The following AGAP1 variants were observed in gnomAD, a reference collection of about 807,000 sequenced individuals.
AGAP1 encodes the protein arf-GAP with GTPase, ANK repeat and PH domain-containing protein 1.
A neutral mutation model predicts 105.3 loss-of-function variants in AGAP1; 29 were observed. The observed-to-expected ratio is 0.28, with a 90% CI of 0.21 to 0.38. The LOEUF is 0.38. Among genes scored for constraint, AGAP1 ranks in the 10% least tolerant of loss-of-function variants. The probability of loss-of-function intolerance (pLI) is 1.00; values close to 1 mark genes in which losing one functional copy is unlikely to be tolerated. For synonymous variants in AGAP1, 509 were observed against 485.9 expected (o/e 1.05, Z -0.63); for missense variants, 998 against 1,165.1 (o/e 0.86, Z 2.09).
rs1328192367 is a variant in AGAP1, at chr2:235,728,329, G to A, written c.310+10685G>A. ...TGTGTGTGTGTGTGTGTGTGTGTGC[G>A]TGCTCTTAAATCAATGTAAATTAGG... On this transcript the variant is annotated intron_variant, in intron 3 of 17. Coordinates refer to ENST00000304032, the MANE Select transcript of AGAP1 (RefSeq NM_001037131.3). This position sits in a 1 kb window ranked among gnomAD's most constrained non-coding sequence, Gnocchi z 4.3. Among the ~76,000 whole-genome samples, 6 of 152,060 alleles carry A rather than the reference G, an allele frequency of 3.9e-5. No homozygotes were observed. The highest frequency in any genetic ancestry group is 1.9e-4 in the East Asian group (1 of 5,196).
At chr2:235,525,924 G>A (rs1942817828) in intron 1 of AGAP1, among the ~76,000 whole-genome samples, 1 of 113,048 alleles carries the variant, frequency 8.8e-6, no homozygotes, top group Admixed American at 8.4e-5. Flanking sequence ...GATTTATAAA[G>A]TAGAGGACTG....
At position 236,058,477 on chromosome 2, in the gene AGAP1, CAT is replaced by C. The variant is rs1280609424; in HGVS notation, c.2114+9198_2114+9199del. 6.6e-6 allele frequency among the ~76,000 whole-genome samples: 1 copy of C among 152,188 alleles called. No individual in the cohort carries two copies. The highest frequency in any genetic ancestry group is 1.5e-5 in the Non-Finnish European group (1 of 68,036). ...TTAATACAGTAAAGAGAGAAGAAAA[CAT>C]AATCTTTTCAAGGGATACAGAAAAT... On this transcript the variant is annotated intron_variant, in intron 16 of 17. Coordinates refer to ENST00000304032, the MANE Select transcript of AGAP1 (RefSeq NM_001037131.3). The surrounding 1 kb of genome is among the most constrained non-coding windows in gnomAD (Gnocchi z 4.6).
intron 1 of AGAP1, among the ~76,000 whole-genome samples, chr2:235,648,720 A>C (rs56018113): frequency 2.7e-5 from 4 of 145,542 alleles, no homozygotes; most frequent in South Asian, 2.2e-4. Context: ...AAAAAAAAAA[A>C]AAAAAAAAAA....
intron 11 of AGAP1, among the ~76,000 whole-genome samples, chr2:235,918,294 A>G (rs2052001686): frequency 6.6e-6 from 1 of 152,248 alleles, no homozygotes; most frequent in Non-Finnish European, 1.5e-5. Context: ...TATTTTTCTG[A>G]AATAAAACCT....
chr2:235,873,022 C>T (rs553738718), intron 9 of AGAP1, among the ~76,000 whole-genome samples: 1 of 152,330 alleles, frequency 6.6e-6, no homozygotes, highest in East Asian at 1.9e-4. Context: ...GCAGAGGACC[C>T]TGGCTCTTTC....
At chr2:236,071,301 C>T (rs2058489068) in intron 16 of AGAP1, among the ~76,000 whole-genome samples, 1 of 152,152 alleles carries the variant, frequency 6.6e-6, no homozygotes, top group Non-Finnish European at 1.5e-5. Context: ...CTGGGACAGT[C>T]ATGGACCAAG....
At chr2:236,077,487 T>TCCCGCCTCAGCC (rs2058671365) in intron 16 of AGAP1, among the ~76,000 whole-genome samples, 2 of 151,946 alleles carry the variant, frequency 1.3e-5, no homozygotes, top group Non-Finnish European at 2.9e-5. Flanking sequence ...GCCAGCTAAT[T>TCCCGCCTCAGCC]TTTGTATTTT....
intron 1 of AGAP1, among the ~76,000 whole-genome samples, chr2:235,680,849 C>T (rs1034809980): frequency 2.0e-5 from 3 of 152,130 alleles, no homozygotes; most frequent in Non-Finnish European, 4.4e-5. Context: ...CTCCACACTT[C>T]CTGGGCCAGC....
intron 9 of AGAP1, among the ~76,000 whole-genome samples, chr2:235,829,168 G>A (rs1422034062): frequency 6.6e-6 from 1 of 152,248 alleles, no homozygotes; most frequent in East Asian, 1.9e-4. Context: ...GCAGCGCCTG[G>A]CTGACCTTGG....
chr2:235,703,933 T>TC (rs1297396662), intron 1 of AGAP1, among the ~76,000 whole-genome samples: 1 of 152,080 alleles, frequency 6.6e-6, no homozygotes, highest in East Asian at 1.9e-4. Flanking sequence ...CCCCTTGGCC[T>TC]CCAAGTACTG....
At chr2:235,972,748 G>T (rs191277735) in intron 13 of AGAP1, among the ~76,000 whole-genome samples, 126 of 152,268 alleles carry the variant, frequency 8.3e-4, no homozygotes, top group African/African-American at 3.0e-3. Context: ...AACAGAAGCC[G>T]TAGAGTGTTC....
At chr2:235,686,506 G>A (rs1949386665) in intron 1 of AGAP1, among the ~76,000 whole-genome samples, 1 of 148,664 alleles carries the variant, frequency 6.7e-6, no homozygotes, top group Admixed American at 6.7e-5. Flanking sequence ...ACTGCTGACA[G>A]ATTGAAATTT....
At chr2:235,710,134 C>G (rs988742809) in intron 2 of AGAP1, among the ~76,000 whole-genome samples, 7 of 152,242 alleles carry the variant, frequency 4.6e-5, no homozygotes, top group African/African-American at 1.4e-4. Context: ...GTGTGTCTGT[C>G]CTCTGCATTT....
At chr2:236,032,076 G>A (rs1210531962) in intron 13 of AGAP1, among the ~76,000 whole-genome samples, 1 of 152,194 alleles carries the variant, frequency 6.6e-6, no homozygotes, top group South Asian at 2.1e-4. Flanking sequence ...GACCATTTGA[G>A]TTGTCAGTTC....
rs1335382330 is a variant in AGAP1, at chr2:235,866,342, A to G, written c.1051-17003A>G. 6.6e-6 allele frequency among the ~76,000 whole-genome samples: 1 copy of G among 152,146 alleles called. No individual in the cohort carries two copies. The highest frequency in any genetic ancestry group is 1.5e-5 in the Non-Finnish European group (1 of 68,026). Reference sequence around the variant, plus strand: ...CCCAGAATTCCCACCGAGGGAGACAATCCGTGTGTGTGATCGGGGTGTTCT... The same window carrying G: ...CCCAGAATTCCCACCGAGGGAGACAGTCCGTGTGTGTGATCGGGGTGTTCT... On this transcript the variant is annotated intron_variant, in intron 9 of 17. Transcript: ENST00000304032. The surrounding 1 kb of genome is among the most constrained non-coding windows in gnomAD (Gnocchi z 6.1).
At chr2:235,903,159 C>G (rs2051144867) in intron 10 of AGAP1, among the ~76,000 whole-genome samples, 1 of 152,094 alleles carries the variant, frequency 6.6e-6, no homozygotes, top group African/African-American at 2.4e-5. Flanking sequence ...TATTATATTT[C>G]TCAACATACA....
Position 236,092,942 on chromosome 2 carries a change from G to A in AGAP1, c.2115-27250G>A, listed in dbSNP as rs1220316794. On this transcript the variant is annotated intron_variant, in intron 16 of 17. Transcript: ENST00000304032. The surrounding 1 kb of genome is among the most constrained non-coding windows in gnomAD (Gnocchi z 4.7). ...CAGACAGAAACAGGAGCGGCTCCAG[G>A]CCTCCCACTGGCCAAATCTGGAACA... Among the ~76,000 whole-genome samples, 1 of 152,218 alleles carries A rather than the reference G, an allele frequency of 6.6e-6. No homozygotes were observed. Among genetic ancestry groups the A allele is most frequent in the Non-Finnish European group, 1.5e-5 (1 of 68,046 alleles).
chr2:235,744,057 A>G lies in AGAP1; in HGVS notation c.397-641A>G, dbSNP rs1452589125. The stretch of plus-strand genomic sequence containing the variant: ...AAATGAATACGGCAAAGCAAGAACA[A>G]AATGGCGAGAGTGAGGCTATTGTGA... On this transcript the variant is annotated intron_variant, in intron 4 of 17. Transcript: ENST00000304032. This position sits in a 1 kb window ranked among gnomAD's most constrained non-coding sequence, Gnocchi z 5.2. Among the ~76,000 whole-genome samples the G allele has an allele frequency of 2.6e-5, 4 of 152,262 alleles. No individual in the cohort carries two copies. The highest frequency in any genetic ancestry group is 4.4e-5 in the Non-Finnish European group (3 of 68,046).
intron 9 of AGAP1, among the ~76,000 whole-genome samples, chr2:235,818,490 T>G (rs751118715): frequency 1.3e-5 from 2 of 152,204 alleles, no homozygotes; most frequent in Non-Finnish European, 2.9e-5. Flanking sequence ...TCACCCAGGC[T>G]AGAGTGCAAT....
Sources: gnomAD v4.1 joint callset for allele counts (sites outside exome capture counted in the v4.1 genomes callset) on GRCh38, gnomAD v4.1.1 for gene constraint, Gnocchi (gnomAD v3.1) non-coding constraint, MANE v1.5 for transcripts, NCBI Gene and HGNC (gene_info 2026-07-23, HGNC 2026-07-21) for gene names.